Variants in UMODL1 observed in about 807,000 individuals in gnomAD.
UMODL1 encodes the protein uromodulin like 1.
UMODL1 carries 128 observed loss-of-function variants against 136.3 expected under a neutral mutation model. The observed-to-expected ratio is 0.94, with a 90% CI of 0.81 to 1.09. The LOEUF (loss-of-function observed/expected upper bound fraction) is 1.09, where lower values mean the gene tolerates loss of function less well. Among genes scored for constraint, UMODL1 ranks in the 50% least tolerant of loss-of-function variants. UMODL1 has a pLI of 0.00. For missense variants in UMODL1, 1,766 were observed against 1,725.6 expected (o/e 1.02, Z -0.41); for synonymous variants, 721 against 720.0 (o/e 1.00, Z -0.02).
chr21:42,123,243 C>T lies in UMODL1; in HGVS notation c.3147+93C>T. On this transcript the variant is annotated intron_variant, in intron 17 of 22. Coordinates refer to ENST00000408910, the MANE Select transcript of UMODL1 (RefSeq NM_001004416.3). This position sits in a 1 kb window ranked among gnomAD's most constrained non-coding sequence, Gnocchi z 4.4. ...CGATGTGGGAGGGCCAGGCAAGACTCTGCACCCCGAGGGGAACCCAGCAAG... is the reference window on the plus strand; with the variant it reads ...CGATGTGGGAGGGCCAGGCAAGACTTTGCACCCCGAGGGGAACCCAGCAAG... 7.1e-7 allele frequency: 1 copy of T among 1,417,752 alleles called. No homozygotes were observed. Among genetic ancestry groups the T allele is most frequent in the Non-Finnish European group, 9.5e-7 (1 of 1,055,626 alleles). 87.8% of individuals were successfully genotyped at this position (1,417,752 alleles called of 1,614,324 possible).
Position 42,076,194 on chromosome 21 carries a change from A to G in UMODL1, c.266A>G (p.Asn89Ser). Residue 89 changes from asparagine to serine, a missense_variant, in exon 2 of 23, where the codon AAC (asparagine) becomes AGC (serine). Coordinates refer to ENST00000408910, the MANE Select transcript of UMODL1 (RefSeq NM_001004416.3). ...YLVVEVPESRNVTDCCEGYEQ... is the reference protein window; with the variant it reads ...YLVVEVPESRSVTDCCEGYEQ... Reference sequence around the variant, plus strand: ...GTAGTGGAGGTCCCCGAGTCCAGGAACGTGACTGACTGCTGTGAGGGCTAT... The same window carrying G: ...GTAGTGGAGGTCCCCGAGTCCAGGAGCGTGACTGACTGCTGTGAGGGCTAT... The G allele has an allele frequency of 1.2e-6, 2 of 1,614,240 alleles. No homozygotes were observed. Among genetic ancestry groups the G allele is most frequent in the Non-Finnish European group, 1.7e-6 (2 of 1,180,042 alleles).
At chr21:42,134,421 A>G (rs1461576181) in intron 21 of UMODL1, among the ~76,000 whole-genome samples, 2 of 152,238 alleles carry the variant, frequency 1.3e-5, no homozygotes, top group East Asian at 1.9e-4. Context: ...CTGTGCTAAA[A>G]GGCCAAGAAA....
intron 6 of UMODL1, among the ~76,000 whole-genome samples, chr21:42,097,908 C>T (rs961139618): frequency 6.6e-6 from 1 of 152,108 alleles, no homozygotes; most frequent in South Asian, 2.1e-4. Context: ...GCATGGATTT[C>T]AATAGGAAAG....
chr21:42,077,007 GTGT>G (rs2066300879), intron 2 of UMODL1, among the ~76,000 whole-genome samples: 2 of 9,328 alleles, frequency 2.1e-4, no homozygotes, highest in Non-Finnish European at 4.4e-4. Context: ...GGAGGGGTGT[GTGT>G]GTGTGTGTGT....
intron 14 of UMODL1, 58 bp downstream of exon 14, chr21:42,116,043 T>A (rs575615973): frequency 1.7e-5 from 25 of 1,466,524 alleles, no homozygotes; most frequent in African/African-American, 1.4e-5. Context: ...GGAAGGCTGA[T>A]AGAATTCTAG....
At position 42,085,473 on chromosome 21, in the gene UMODL1, A is replaced by G. The variant is rs1399645152; in HGVS notation, c.603+61A>G. 6.2e-7 allele frequency: 1 copy of G among 1,611,020 alleles called. No homozygotes were observed. Among genetic ancestry groups the G allele is most frequent in the Non-Finnish European group, 8.5e-7 (1 of 1,179,166 alleles). ...TTGTGGCAGCTGCTCAGGCAGACCC[A>G]GGTATGGGGCCGTGGAAGGGACCTG... On this transcript the variant is annotated intron_variant, in intron 4 of 22. Coordinates refer to ENST00000408910, the MANE Select transcript of UMODL1 (RefSeq NM_001004416.3). The surrounding 1 kb of genome is among the most constrained non-coding windows in gnomAD (Gnocchi z 4.5).
intron 1 of UMODL1, chr21:42,063,247 G>A (rs57664184): frequency 0.15 from 22,964 of 152,326 alleles, 2,003 homozygotes; most frequent in East Asian, 0.44. Flanking sequence ...CTGGGGTTAG[G>A]ATTGGACATA....
intron 6 of UMODL1, among the ~76,000 whole-genome samples, chr21:42,097,812 G>A (rs1050696896): frequency 5.9e-5 from 9 of 152,142 alleles, no homozygotes; most frequent in Non-Finnish European, 1.0e-4. Context: ...TGTACAGCCA[G>A]AATGTTTTTA....
chr21:42,107,843 C>T (rs1571736), intron 9 of UMODL1, among the ~76,000 whole-genome samples: 48,436 of 152,098 alleles, frequency 0.32, 7,997 homozygotes, highest in African/African-American at 0.4. Flanking sequence ...GGCACCTGGG[C>T]TGGGAGTCTC....
At chr21:42,071,790 T>A (rs1390940557) in intron 1 of UMODL1, among the ~76,000 whole-genome samples, 2 of 147,616 alleles carry the variant, frequency 1.4e-5, no homozygotes, top group Non-Finnish European at 3.0e-5. Flanking sequence ...AGAAGAAAGG[T>A]CTCCTGAACC....
intron 13 of UMODL1, among the ~76,000 whole-genome samples, chr21:42,114,222 C>A (rs2066875517): frequency 6.6e-6 from 1 of 152,242 alleles, no homozygotes; most frequent in Non-Finnish European, 1.5e-5. Context: ...AGGACATCAA[C>A]AGACAATCGG....
chr21:42,104,699 C>T (rs1200925910), intron 9 of UMODL1, among the ~76,000 whole-genome samples: 1 of 152,226 alleles, frequency 6.6e-6, no homozygotes, highest in Non-Finnish European at 1.5e-5. Flanking sequence ...ATCCACCTGC[C>T]TCAGCCTCCC....
In UMODL1 at chr21:42,126,379, G is replaced by A; in HGVS notation, c.3182G>A (p.Arg1061Lys). The change falls in exon 18 of 23, where the codon AGG becomes AAG. Residue 1061 changes from arginine (R) to lysine (K), a missense_variant. By Grantham distance (26) the Arg-to-Lys change is conservative. Coordinates refer to ENST00000408910, the MANE Select transcript of UMODL1 (RefSeq NM_001004416.3). ...MTNTVVRTTL[R>K]NDLSQEGIIH... Reference sequence around the variant, plus strand: ...AACACCGTGGTGAGGACCACGCTGAGGAACGACCTGTCCCAGGAGGGCATC... The same window carrying A: ...AACACCGTGGTGAGGACCACGCTGAAGAACGACCTGTCCCAGGAGGGCATC... 1.2e-6 allele frequency: 2 copies of A among 1,614,076 alleles called. No individual in the cohort carries two copies. Among genetic ancestry groups the A allele is most frequent in the East Asian group, 4.5e-5 (2 of 44,888 alleles).
chr21:42,105,563 G>A (rs1414663368), intron 9 of UMODL1, among the ~76,000 whole-genome samples: 2 of 152,226 alleles, frequency 1.3e-5, no homozygotes, highest in African/African-American at 4.8e-5. Flanking sequence ...GTCAAGATGA[G>A]GTCCTCCTGC....
intron 6 of UMODL1, 23 bp from the exon 7 acceptor site, chr21:42,098,903 C>T: frequency 6.2e-7 from 1 of 1,611,852 alleles, no homozygotes; most frequent in Non-Finnish European, 8.5e-7. Flanking sequence ...CTTTGCTCAT[C>T]TTCTCTGTCT....
At chr21:42,090,818 C>G (rs2066483027) in intron 6 of UMODL1, among the ~76,000 whole-genome samples, 1 of 152,238 alleles carries the variant, frequency 6.6e-6, no homozygotes, top group Non-Finnish European at 1.5e-5. Flanking sequence ...ATGATTCAGA[C>G]AGTTCTGATG....
At chr21:42,067,719 C>T (rs372513238), upstream of UMODL1, among the ~76,000 whole-genome samples, 9 of 152,302 alleles carry the variant, frequency 5.9e-5, 1 homozygote, top group African/African-American at 2.2e-4. Context: ...GGGAGTTTCT[C>T]GTGTCTCTTC....
chr21:42,122,685 G>C lies in UMODL1; in HGVS notation c.2828-146G>C. On this transcript the variant is annotated intron_variant, in intron 16 of 22. Transcript: ENST00000408910. The surrounding 1 kb of genome is among the most constrained non-coding windows in gnomAD (Gnocchi z 4.3). The stretch of plus-strand genomic sequence containing the variant: ...TGCGTGTGTGTGTGTGTGTGTGCAC[G>C]TGTGTAGTTGTGGCTGGAACATGCG... 1.5e-6 allele frequency: 1 copy of C among 688,664 alleles called. No individual in the cohort carries two copies. The highest frequency in any genetic ancestry group is 2.7e-5 in the East Asian group (1 of 36,594). The allele number at this position is 688,664 out of a possible 1,614,324, so 42.7% of individuals were successfully genotyped here.
intron 1 of UMODL1, among the ~76,000 whole-genome samples, chr21:42,074,971 G>A (rs1427853352): frequency 6.6e-6 from 1 of 151,262 alleles, no homozygotes; most frequent in Non-Finnish European, 1.5e-5. Context: ...GCGCAATCTT[G>A]GCTCACTGCA....
Sources: allele counts gnomAD v4.1 joint callset (sites outside exome capture counted in the v4.1 genomes callset), GRCh38; gene constraint gnomAD v4.1.1; non-coding constraint Gnocchi (gnomAD v3.1); transcripts MANE v1.5; gene names NCBI Gene and HGNC (gene_info 2026-07-23, HGNC 2026-07-21).